FBXL17: variants seen among roughly 807,000 people sequenced by gnomAD.
The protein encoded by FBXL17 is F-box/LRR-repeat protein 17.
FBXL17 carries 22 observed loss-of-function variants against 66.2 expected under a neutral mutation model. The observed-to-expected ratio is 0.33, with a 90% CI of 0.24 to 0.47. FBXL17 has a LOEUF of 0.47. Among genes scored for constraint, FBXL17 ranks in the 20% least tolerant of loss-of-function variants. The pLI is 1.00. For missense variants in FBXL17, 878 were observed against 948.2 expected (o/e 0.93, Z 0.97); for synonymous variants, 474 against 400.5 (o/e 1.18, Z -2.19).
Position 108,364,721 on chromosome 5 carries a change from T to C in FBXL17, c.1374+17A>G, listed in dbSNP as rs751404654. 21 of 1,578,918 alleles carry C rather than the reference T, an allele frequency of 1.3e-5. No homozygotes were observed. The highest frequency in any genetic ancestry group is 1.8e-5 in the Non-Finnish European group (21 of 1,159,806). ...AATTAATTCAAGTAAAATCACTTTATAAATGCTAAAATTTACCTGCTTGAG... is the reference window on the plus strand; with the variant it reads ...AATTAATTCAAGTAAAATCACTTTACAAATGCTAAAATTTACCTGCTTGAG... On this transcript the variant is annotated intron_variant, in intron 3 of 8. Coordinates refer to ENST00000542267, the MANE Select transcript of FBXL17 (RefSeq NM_001163315.3).
intron 6 of FBXL17, among the ~76,000 whole-genome samples, chr5:108,123,055 C>T (rs1750564914): frequency 6.6e-6 from 1 of 150,740 alleles, no homozygotes; most frequent in African/African-American, 2.4e-5. Flanking sequence ...TCTTTGGCTG[C>T]ATATAAAATC....
At chr5:108,191,905 T>G (rs1753484228) in intron 5 of FBXL17, among the ~76,000 whole-genome samples, 1 of 152,222 alleles carries the variant, frequency 6.6e-6, no homozygotes, top group Non-Finnish European at 1.5e-5. Context: ...TTACTTTTCT[T>G]TTTTCATGAG....
At chr5:108,334,789 A>C (rs1760298122) in intron 4 of FBXL17, among the ~76,000 whole-genome samples, 1 of 152,224 alleles carries the variant, frequency 6.6e-6, no homozygotes, top group Admixed American at 6.5e-5. Flanking sequence ...TAAAGCTTTA[A>C]GGAAAAAATT....
At chr5:108,271,866 C>T (rs1561499311) in intron 4 of FBXL17, among the ~76,000 whole-genome samples, 1 of 152,156 alleles carries the variant, frequency 6.6e-6, no homozygotes, top group African/African-American at 2.4e-5. Context: ...AGCAAATTAA[C>T]CTCTCTGTGC....
chr5:107,908,049 T>A (rs547836742), intron 7 of FBXL17, among the ~76,000 whole-genome samples: 11 of 152,280 alleles, frequency 7.2e-5, no homozygotes, highest in Non-Finnish European at 1.3e-4. Flanking sequence ...CCAACCGAAA[T>A]GTCCAACAAT....
intron 6 of FBXL17, among the ~76,000 whole-genome samples, chr5:108,061,959 T>C (rs1357845194): frequency 6.6e-6 from 1 of 151,896 alleles, no homozygotes; most frequent in East Asian, 1.9e-4. Context: ...TACATAAGTG[T>C]GATGCGTATT....
chr5:107,941,152 T>C (rs1292910056), intron 7 of FBXL17, among the ~76,000 whole-genome samples: 2 of 151,888 alleles, frequency 1.3e-5, no homozygotes, highest in East Asian at 3.9e-4. Context: ...TTTTCTGCGA[T>C]TACATTTCAG....
chr5:108,372,542 C>G (rs938353710), intron 1 of FBXL17, among the ~76,000 whole-genome samples: 2 of 152,026 alleles, frequency 1.3e-5, no homozygotes, highest in African/African-American at 4.8e-5. Flanking sequence ...AAATGCAACT[C>G]GTGAAAAGGA....
At chr5:108,304,011 T>A (rs1179693840) in intron 4 of FBXL17, among the ~76,000 whole-genome samples, 2 of 151,898 alleles carry the variant, frequency 1.3e-5, no homozygotes, top group Non-Finnish European at 2.9e-5. Context: ...AAATACAGCT[T>A]TTTACTGGGA....
At chr5:108,141,552 TC>T (rs1023974289) in intron 6 of FBXL17, among the ~76,000 whole-genome samples, 7 of 152,156 alleles carry the variant, frequency 4.6e-5, no homozygotes, top group African/African-American at 1.7e-4. Context: ...AGGACATCAG[TC>T]CTTTCTCTTT....
chr5:107,869,497 C>A (rs925127185), intron 8 of FBXL17, among the ~76,000 whole-genome samples: 2 of 152,004 alleles, frequency 1.3e-5, no homozygotes, highest in Admixed American at 1.3e-4. Context: ...CATCTAAGTG[C>A]AGTTTAAAAT....
Position 107,980,664 on chromosome 5 carries a change from A to ATATATATATATATTTT in FBXL17, c.1822+40260_1822+40261insAAAATATATATATATA. On this transcript the variant is annotated intron_variant, in intron 7 of 8. Coordinates refer to ENST00000542267, the MANE Select transcript of FBXL17 (RefSeq NM_001163315.3). Reference sequence around the variant, plus strand: ...TAAAATAATATATATATATATATATATTTTTTTTTTGAGATGGAGTCTTGC... The same window carrying ATATATATATATATTTT: ...TAAAATAATATATATATATATATATATATATATATATATTTTTTTTTTTTTTGAGATGGAGTCTTGC... Among the ~76,000 whole-genome samples, 92 of 62,060 alleles carry ATATATATATATATTTT rather than the reference A, an allele frequency of 1.5e-3. 3 individuals are homozygous for ATATATATATATATTTT. Among genetic ancestry groups the ATATATATATATATTTT allele is most frequent in the African/African-American group, 6.0e-3 (58 of 9,742 alleles). The allele number at this position is 62,060 out of a possible 152,430, so 40.7% of individuals were successfully genotyped here. A position where few individuals can be genotyped will look rare whatever the true frequency, so the allele number is the denominator to read the frequency against.
At chr5:108,267,758 A>G (rs910983080) in intron 4 of FBXL17, among the ~76,000 whole-genome samples, 1 of 152,120 alleles carries the variant, frequency 6.6e-6, no homozygotes, top group Non-Finnish European at 1.5e-5. Flanking sequence ...GAAGTCAGAT[A>G]AAGTCAGATA....
chr5:107,975,229 G>A (rs866906983), intron 7 of FBXL17, among the ~76,000 whole-genome samples: 108 of 151,834 alleles, frequency 7.1e-4, no homozygotes, highest in Middle Eastern at 6.8e-3. Flanking sequence ...TATTGGCTTT[G>A]ACTGCTCATT....
intron 5 of FBXL17, among the ~76,000 whole-genome samples, chr5:108,200,612 G>C (rs1381449349): frequency 6.6e-6 from 1 of 151,790 alleles, no homozygotes; most frequent in Non-Finnish European, 1.5e-5. Context: ...ATGTTCAAAA[G>C]GGCCTCTGAT....
chr5:107,993,349 T>C (rs770172830), intron 7 of FBXL17, among the ~76,000 whole-genome samples: 6 of 152,214 alleles, frequency 3.9e-5, no homozygotes, highest in Non-Finnish European at 8.8e-5. Context: ...TATCCACGTG[T>C]ATTTCTGATA....
chr5:108,381,028 C>CGCCGCA lies in FBXL17; in HGVS notation c.658_663dup (p.Cys220_Gly221dup). On this transcript the variant is annotated inframe_insertion, in exon 1 of 9. Transcript: ENST00000542267. ...CCCCCGCCACCGCCGCCGCCGCCGC[C>CGCCGCA]GCCGCAGCCCCCGCCGCCGCAGCGG... 1 of 1,191,920 alleles carries CGCCGCA rather than the reference C, an allele frequency of 8.4e-7. No individual in the cohort carries two copies. Among genetic ancestry groups the CGCCGCA allele is most frequent in the Non-Finnish European group, 1.0e-6 (1 of 962,768 alleles). The allele number at this position is 1,191,920 out of a possible 1,614,324, so 73.8% of individuals were successfully genotyped here. A position where few individuals can be genotyped will look rare whatever the true frequency, so the allele number is the denominator to read the frequency against.
chr5:107,968,719 A>C (rs1262463272), intron 7 of FBXL17, among the ~76,000 whole-genome samples: 1 of 152,208 alleles, frequency 6.6e-6, no homozygotes, highest in Non-Finnish European at 1.5e-5. Context: ...ATAAGCACTG[A>C]GAAGGAATGC....
intron 7 of FBXL17, among the ~76,000 whole-genome samples, chr5:107,996,515 A>G (rs1753479056): frequency 6.6e-6 from 1 of 152,156 alleles, no homozygotes; most frequent in South Asian, 2.1e-4. Flanking sequence ...AGGTTTTGCC[A>G]CGTTGGCCAG....
Sources: allele counts gnomAD v4.1 joint callset (sites outside exome capture counted in the v4.1 genomes callset), GRCh38; gene constraint gnomAD v4.1.1; transcripts MANE v1.5; gene names NCBI Gene and HGNC (gene_info 2026-07-23, HGNC 2026-07-21).